DNAH3: variants seen among roughly 807,000 people sequenced by gnomAD.
DNAH3 encodes the protein dynein axonemal heavy chain 3, also known as axonemal beta dynein heavy chain 3.
A neutral mutation model predicts 432.5 loss-of-function variants in DNAH3; 332 were observed. The observed-to-expected ratio is 0.77, with a 90% CI of 0.70 to 0.84. The LOEUF (loss-of-function observed/expected upper bound fraction) is 0.84, where lower values mean the gene tolerates loss of function less well. DNAH3 is among the 40% of genes least tolerant of loss of function. The probability of loss-of-function intolerance (pLI) is 0.00; values close to 1 mark genes in which losing one functional copy is unlikely to be tolerated. For missense variants in DNAH3, 4,861 were observed against 5,114.0 expected (o/e 0.95, Z 1.51); for synonymous variants, 1,956 against 1,900.2 (o/e 1.03, Z -0.76).
intron 9 of DNAH3, among the ~76,000 whole-genome samples, chr16:21,124,579 C>T (rs970538911): frequency 4.0e-5 from 6 of 151,756 alleles, no homozygotes; most frequent in African/African-American, 1.2e-4. Flanking sequence ...TACATATTTA[C>T]AGGATACATA....
chr16:20,965,295 A>G, exon 53 of DNAH3: 2 of 1,613,440 alleles, frequency 1.2e-6, no homozygotes, highest in Non-Finnish European at 1.7e-6. Flanking sequence ...GGTGATTGAT[A>G]AACCTTTCCC....
chr16:20,955,014 T>C (rs143599453), exon 55 of DNAH3: 63 of 1,613,470 alleles, frequency 3.9e-5, no homozygotes, highest in Non-Finnish European at 4.9e-5. Context: ...TTCTGGAGAA[T>C]GCTGACTGGA....
intron 44 of DNAH3, among the ~76,000 whole-genome samples, chr16:20,988,634 T>C (rs537358040): frequency 1.1e-4 from 16 of 152,322 alleles, no homozygotes; most frequent in African/African-American, 3.8e-4. Context: ...ATAAAGGCAA[T>C]ACATGATCAT....
intron 50 of DNAH3, 81 bp from the exon 51 acceptor site, chr16:20,975,496 C>T: frequency 7.3e-7 from 1 of 1,370,686 alleles, no homozygotes; most frequent in South Asian, 1.3e-5. Flanking sequence ...GATTCTCCAA[C>T]CTATGACATA....
intron 44 of DNAH3, among the ~76,000 whole-genome samples, chr16:20,988,630 G>A (rs1414751658): frequency 6.6e-6 from 1 of 152,152 alleles, no homozygotes; most frequent in East Asian, 1.9e-4. Flanking sequence ...AAAGATAAAG[G>A]CAATACATGA....
chr16:20,984,612 G>A (rs2086096699), intron 48 of DNAH3, among the ~76,000 whole-genome samples: 1 of 152,212 alleles, frequency 6.6e-6, no homozygotes, highest in Admixed American at 6.5e-5. Context: ...GCTTATGCCT[G>A]TAATCCCAGC....
chr16:21,022,012 T>C, exon 40 of DNAH3: 1 of 1,613,394 alleles, frequency 6.2e-7, no homozygotes, highest in Non-Finnish European at 8.5e-7. Context: ...GAAGGCAAGG[T>C]GGATGGGAGA....
chr16:20,959,655 A>ACACACACACACC (rs1255993549), intron 53 of DNAH3, among the ~76,000 whole-genome samples: 1 of 138,194 alleles, frequency 7.2e-6, no homozygotes, highest in Admixed American at 7.4e-5. Flanking sequence ...ACACACACAC[A>ACACACACACACC]CCCCAACACA....
At position 20,988,156 on chromosome 16, in the gene DNAH3, C is replaced by T. The variant is rs145993882; in HGVS notation, c.6602-91G>A. On this transcript the variant is annotated intron_variant, in intron 44 of 61. Transcript: ENST00000261383. ...TAGGATGCACACGAGGTGGCTTTGC[C>T]TTCTGCCTTCATGTTCCAGAGCTGT... 2,212 of 1,539,460 alleles carry T rather than the reference C, an allele frequency of 1.4e-3. 26 individuals are homozygous for T. In the African/African-American group the frequency reaches 0.027, roughly 19 times the overall value.
At chr16:20,949,263 CAAAAAAAAAA>C (rs34267850) in intron 56 of DNAH3, among the ~76,000 whole-genome samples, 2 of 66,030 alleles carry the variant, frequency 3.0e-5, no homozygotes, top group African/African-American at 1.3e-4. Flanking sequence ...GAGACTGTCT[CAAAAAAAAAA>C]AAAAAAAAAA....
At chr16:21,037,762 T>A (rs1567678896) in exon 34 of DNAH3, 4 of 1,613,924 alleles carry the variant, frequency 2.5e-6, no homozygotes, top group African/African-American at 1.3e-5. Context: ...GCTACATACC[T>A]GAAACAGAGG....
intron 26 of DNAH3, among the ~76,000 whole-genome samples, chr16:21,059,939 C>G (rs1433698417): frequency 6.6e-6 from 1 of 152,184 alleles, no homozygotes; most frequent in East Asian, 1.9e-4. Context: ...CTCAGGGCAT[C>G]TGTAAGGTAA....
chr16:20,972,151 C>G (rs2152640070), intron 51 of DNAH3, among the ~76,000 whole-genome samples: 1 of 152,196 alleles, frequency 6.6e-6, no homozygotes, highest in East Asian at 1.9e-4. Context: ...GAGGGCAGCT[C>G]CGATGTTGCC....
chr16:21,053,114 A>T (rs943766382), intron 28 of DNAH3, among the ~76,000 whole-genome samples: 2 of 152,168 alleles, frequency 1.3e-5, no homozygotes, highest in Admixed American at 1.3e-4. Context: ...AGCCGACTCA[A>T]AATTAGGACC....
intron 25 of DNAH3, 92 bp downstream of exon 25, chr16:21,062,390 C>A: frequency 2.0e-6 from 2 of 994,490 alleles, no homozygotes; most frequent in Non-Finnish European, 3.1e-6. Flanking sequence ...ATACCCCAGG[C>A]AGTCTGGTGC....
chr16:21,109,122 C>CAAAA (rs201303338), intron 14 of DNAH3, among the ~76,000 whole-genome samples: 6 of 62,234 alleles, frequency 9.6e-5, no homozygotes, highest in Admixed American at 1.9e-4. Context: ...GACTCTGTCT[C>CAAAA]AAAAAAAAAA....
intron 24 of DNAH3, among the ~76,000 whole-genome samples, chr16:21,066,917 T>C (rs1052767977): frequency 2.0e-5 from 3 of 152,230 alleles, no homozygotes; most frequent in African/African-American, 4.8e-5. Context: ...GTGGAGAACC[T>C]GAGGCTTGGA....
intron 27 of DNAH3, among the ~76,000 whole-genome samples, chr16:21,056,515 C>T (rs761210108): frequency 5.3e-5 from 8 of 150,608 alleles, no homozygotes; most frequent in South Asian, 2.1e-4. Context: ...CTTTTTCTCT[C>T]TCCCACTAGA....
At chr16:20,965,260 T>G in exon 53 of DNAH3, 1 of 1,613,710 alleles carries the variant, frequency 6.2e-7, no homozygotes, top group Non-Finnish European at 8.5e-7. Context: ...CGATACATTT[T>G]TAATGACAGC....
Sources: gnomAD v4.1 joint callset for allele counts (sites outside exome capture counted in the v4.1 genomes callset) on GRCh38, gnomAD v4.1.1 for gene constraint, MANE v1.5 for transcripts, NCBI Gene and HGNC (gene_info 2026-07-23, HGNC 2026-07-21) for gene names.